Variants in MED13L observed in about 807,000 individuals in gnomAD.
The protein encoded by MED13L is mediator of RNA polymerase II transcription subunit 13-like.
Under a neutral mutation model 220.9 loss-of-function variants are expected in MED13L, and 7 were observed. The ratio of observed to expected loss-of-function variants is 0.03; its 90% CI spans 0.02 to 0.06. The LOEUF is 0.06. Ranked by LOEUF, MED13L falls within the 10% of genes least tolerant of loss-of-function variation. MED13L has a pLI of 1.00. For missense variants in MED13L, 1,965 were observed against 2,760.5 expected, an observed-to-expected ratio of 0.71 and a Z score of 6.46; for synonymous variants, 1,011 against 1,015.2, an observed-to-expected ratio of 1.00 and a Z score of 0.08.
Position 115,983,100 on chromosome 12 carries a change from A to G in MED13L, c.4955+17T>C, listed in dbSNP as rs1321657482. 1.2e-6 allele frequency: 2 copies of G among 1,613,386 alleles called. No individual in the cohort carries two copies. Among genetic ancestry groups the G allele is most frequent in the South Asian group, 2.2e-5 (2 of 91,060 alleles). On this transcript the variant is annotated intron_variant, in intron 21 of 30. Transcript: ENST00000281928. ...GTCTGAGCTGAAGCCACTCATCTCA[A>G]TTAGTGAATAACATACCTCTCTTGT...
At chr12:116,169,955 T>C (rs1220302368) in intron 2 of MED13L, among the ~76,000 whole-genome samples, 1 of 152,156 alleles carries the variant, frequency 6.6e-6, no homozygotes, top group Non-Finnish European at 1.5e-5. Context: ...AGTTCAAAGC[T>C]GCGGTGGGCT....
At chr12:116,065,270 GTA>G (rs894303901) in intron 4 of MED13L, among the ~76,000 whole-genome samples, 2 of 152,094 alleles carry the variant, frequency 1.3e-5, no homozygotes, top group Non-Finnish European at 2.9e-5. Context: ...GTACGTGTGT[GTA>G]TATGTGTTTG....
At chr12:116,256,834 C>T (rs774811460) in intron 1 of MED13L, among the ~76,000 whole-genome samples, 15 of 151,752 alleles carry the variant, frequency 9.9e-5, no homozygotes, top group Non-Finnish European at 5.9e-5. Context: ...TACAGACGTG[C>T]GCCACCTCGC....
intron 1 of MED13L, among the ~76,000 whole-genome samples, chr12:116,266,625 G>T (rs1470619861): frequency 1.3e-5 from 2 of 152,226 alleles, no homozygotes; most frequent in Non-Finnish European, 2.9e-5. Flanking sequence ...AATAGCATTT[G>T]AGTTTTATAA....
chr12:116,232,801 T>A (rs1221561346), intron 2 of MED13L, among the ~76,000 whole-genome samples: 1 of 152,134 alleles, frequency 6.6e-6, no homozygotes, highest in East Asian at 1.9e-4. Flanking sequence ...TAAAAAGCAT[T>A]TGTTGCCAGG....
At chr12:115,986,983 C>A in intron 18 of MED13L, 126 bp downstream of exon 18, 1 of 995,612 alleles carries the variant, frequency 1.0e-6, no homozygotes, top group South Asian at 1.7e-5. Flanking sequence ...GATTATAAAA[C>A]TAAATGGTCA....
At chr12:116,150,424 CT>C (rs1472600980) in intron 2 of MED13L, among the ~76,000 whole-genome samples, 5 of 152,188 alleles carry the variant, frequency 3.3e-5, no homozygotes, top group African/African-American at 7.2e-5. Flanking sequence ...ACATCTAGAT[CT>C]TGTCATAATT....
chr12:116,265,516 C>T (rs958035987), intron 1 of MED13L, among the ~76,000 whole-genome samples: 3 of 152,146 alleles, frequency 2.0e-5, no homozygotes, highest in Non-Finnish European at 2.9e-5. Context: ...GATTATCTCC[C>T]GTTTTAGTTT....
At chr12:116,047,448 T>A (rs1881907523) in intron 4 of MED13L, among the ~76,000 whole-genome samples, 1 of 152,218 alleles carries the variant, frequency 6.6e-6, no homozygotes, top group African/African-American at 2.4e-5. Flanking sequence ...AAACACCATT[T>A]CTTTCATTTA....
chr12:116,256,961 C>T (rs1872116162), intron 1 of MED13L, among the ~76,000 whole-genome samples: 1 of 152,170 alleles, frequency 6.6e-6, no homozygotes, highest in African/African-American at 2.4e-5. Context: ...AGGCATGAGC[C>T]ACCGTGCCCA....
At chr12:116,101,508 G>C (rs1316882040) in intron 3 of MED13L, among the ~76,000 whole-genome samples, 3 of 152,078 alleles carry the variant, frequency 2.0e-5, no homozygotes, top group Admixed American at 2.0e-4. Context: ...TTATGTGTAT[G>C]TATTCTCGCT....
At chr12:116,252,230 T>G (rs1174994430) in intron 1 of MED13L, among the ~76,000 whole-genome samples, 1 of 152,160 alleles carries the variant, frequency 6.6e-6, no homozygotes, top group Non-Finnish European at 1.5e-5. Context: ...CAAAATACTT[T>G]TTTTCCAAAT....
intron 2 of MED13L, chr12:116,174,608 C>T (rs1184927845): frequency 6.6e-6 from 1 of 151,988 alleles, no homozygotes; most frequent in Non-Finnish European, 1.5e-5. Flanking sequence ...TTTCTCCAAT[C>T]CAGATTTTGG....
chr12:116,246,054 T>A (rs2138497204), intron 1 of MED13L, among the ~76,000 whole-genome samples: 1 of 152,238 alleles, frequency 6.6e-6, no homozygotes, highest in South Asian at 2.1e-4. Flanking sequence ...AAATCAGGAT[T>A]TCTAACTGCT....
At chr12:116,062,488 G>GTTTTTT (rs56251325) in intron 4 of MED13L, among the ~76,000 whole-genome samples, 4 of 97,348 alleles carry the variant, frequency 4.1e-5, no homozygotes, top group Non-Finnish European at 3.9e-5. Flanking sequence ...CTCTCTCTGT[G>GTTTTTT]TTTTTTTTTT....
intron 2 of MED13L, among the ~76,000 whole-genome samples, chr12:116,192,885 C>A (rs1881369658): frequency 6.6e-6 from 1 of 152,084 alleles, no homozygotes; most frequent in Non-Finnish European, 1.5e-5. Context: ...GTAATCCCAG[C>A]ACTTTGGAAG....
chr12:116,001,661 TATGCTTTG>T (rs1878752281), intron 14 of MED13L, among the ~76,000 whole-genome samples: 1 of 152,226 alleles, frequency 6.6e-6, no homozygotes, highest in African/African-American at 2.4e-5. Flanking sequence ...TATTTATATA[TATGCTTTG>T]TACACATTAA....
At chr12:116,207,445 G>A (rs1378129272) in intron 2 of MED13L, among the ~76,000 whole-genome samples, 2 of 152,138 alleles carry the variant, frequency 1.3e-5, no homozygotes, top group Non-Finnish European at 2.9e-5. Context: ...CTGTGTTTGT[G>A]TAAGCAAACT....
chr12:116,146,511 T>G (rs560830662), intron 2 of MED13L, among the ~76,000 whole-genome samples: 69 of 152,198 alleles, frequency 4.5e-4, no homozygotes, highest in African/African-American at 1.3e-3. Context: ...AAGACAATTC[T>G]TCTTTCAGCA....
Sources: allele counts gnomAD v4.1 joint callset (sites outside exome capture counted in the v4.1 genomes callset), GRCh38; gene constraint gnomAD v4.1.1; transcripts MANE v1.5; gene names NCBI Gene and HGNC (gene_info 2026-07-23, HGNC 2026-07-21).